HUNK: variants seen among roughly 807,000 people sequenced by gnomAD.
HUNK encodes hormonally up-regulated neu tumor-associated kinase.
In HUNK, 21 loss-of-function variants were observed where a neutral mutation model predicts 61.0. That is an observed-to-expected ratio of 0.34 (90% CI 0.24 to 0.50). The LOEUF is 0.50. Ranked by LOEUF, HUNK falls within the 20% of genes least tolerant of loss-of-function variation. HUNK has a pLI of 0.98. For missense variants in HUNK, 772 were observed against 945.7 expected, an observed-to-expected ratio of 0.82 and a Z score of 2.41; for synonymous variants, 371 against 386.1, an observed-to-expected ratio of 0.96 and a Z score of 0.46.
chr21:31,874,757 T>C (rs1043518156), intron 1 of HUNK, among the ~76,000 whole-genome samples: 2 of 152,050 alleles, frequency 1.3e-5, no homozygotes, highest in Admixed American at 6.5e-5. Context: ...AGATGCCTTC[T>C]TATCTTTCTA....
chr21:31,883,032 T>G (rs1489004684), intron 1 of HUNK, among the ~76,000 whole-genome samples: 2 of 152,022 alleles, frequency 1.3e-5, no homozygotes, highest in Non-Finnish European at 2.9e-5. Context: ...TTTTTTTTTT[T>G]GTTATTCTCA....
Position 31,924,043 on chromosome 21 carries a change from G to T in HUNK, c.262-425G>T, listed in dbSNP as rs551578193. Among the ~76,000 whole-genome samples the T allele has an allele frequency of 6.6e-6, 1 of 152,212 alleles. No homozygotes were observed. The highest frequency in any genetic ancestry group is 2.1e-4 in the South Asian group (1 of 4,804). ...TTTAGCTGTTTCTGAAGTGGCTGGG[G>T]GTCCTCAGACCTGGAGGGAGATGAT... On this transcript the variant is annotated intron_variant, in intron 1 of 10. Transcript: ENST00000270112. The surrounding 1 kb of genome is among the most constrained non-coding windows in gnomAD (Gnocchi z 5.1).
intron 1 of HUNK, among the ~76,000 whole-genome samples, chr21:31,890,699 C>G (rs73900588): frequency 6.6e-6 from 1 of 152,286 alleles, no homozygotes; most frequent in African/African-American, 2.4e-5. Flanking sequence ...ATCTCTGAGT[C>G]ATTCCTTAAC....
chr21:31,938,197 C>T (rs549177402), intron 2 of HUNK, among the ~76,000 whole-genome samples: 6 of 152,180 alleles, frequency 3.9e-5, no homozygotes, highest in African/African-American at 2.4e-5. Context: ...CTGCCCACCC[C>T]GCAACTGTTC....
At chr21:31,921,200 A>C (rs1003830947) in intron 1 of HUNK, among the ~76,000 whole-genome samples, 3 of 148,742 alleles carry the variant, frequency 2.0e-5, no homozygotes, top group African/African-American at 7.4e-5. Context: ...ACACTGCTCT[A>C]TAGAGGAGAT....
Position 31,924,815 on chromosome 21 carries a change from G to A in HUNK, c.554+55G>A. The stretch of plus-strand genomic sequence containing the variant: ...GACTGTGTGCTCCGTGGGTGGCACT[G>A]GGCTGTGGCACCCTCTGAGCCTCTG... On this transcript the variant is annotated intron_variant, in intron 2 of 10. Coordinates refer to ENST00000270112, the MANE Select transcript of HUNK (RefSeq NM_014586.2). This position sits in a 1 kb window ranked among gnomAD's most constrained non-coding sequence, Gnocchi z 5.1. 6.8e-7 allele frequency: 1 copy of A among 1,463,622 alleles called. No homozygotes were observed. The highest frequency in any genetic ancestry group is 2.1e-5 in the Admixed American group (1 of 47,716). The allele number at this position is 1,463,622 out of a possible 1,614,324, so 90.7% of individuals were successfully genotyped here.
chr21:31,921,319 C>T (rs2052621321), intron 1 of HUNK, among the ~76,000 whole-genome samples: 1 of 151,762 alleles, frequency 6.6e-6, no homozygotes, highest in Non-Finnish European at 1.5e-5. Context: ...GGGGAGTGGT[C>T]CCTGCATTAA....
chr21:31,974,761 A>G (rs769185515), intron 7 of HUNK, 44 bp downstream of exon 7: 14 of 1,531,396 alleles, frequency 9.1e-6, no homozygotes, highest in Admixed American at 4.2e-5. Context: ...GTCTGTGGAA[A>G]AAAGAGCTCC....
rs751623155 is a variant in HUNK at position 31,990,097 on chromosome 21, C to G, written c.1258-32C>G. The G allele has an allele frequency of 1.9e-6, 3 of 1,605,062 alleles. No homozygotes were observed. The African/African-American group carries it at 4.0e-5, about 21-fold the overall frequency. ...AGGGAATAAATAGCAGGTGCAGATT[C>G]TCGAATTGTTGAAGGATGTTCCTTT... On this transcript the variant is annotated intron_variant, in intron 8 of 10. Coordinates refer to ENST00000270112, the MANE Select transcript of HUNK (RefSeq NM_014586.2).
chr21:31,965,328 A>C (rs1018600029), intron 5 of HUNK, among the ~76,000 whole-genome samples: 6 of 114,168 alleles, frequency 5.3e-5, no homozygotes, highest in Admixed American at 1.9e-4. Context: ...AGAGAGGAGC[A>C]AAAAAAAAAA....
intron 1 of HUNK, among the ~76,000 whole-genome samples, chr21:31,897,031 G>A (rs1041591649): frequency 2.6e-5 from 4 of 152,184 alleles, no homozygotes; most frequent in African/African-American, 7.2e-5. Flanking sequence ...GATTGCTTGA[G>A]CTCAGGGGTT....
At chr21:31,948,947 G>C (rs1025732229) in intron 4 of HUNK, among the ~76,000 whole-genome samples, 2 of 152,222 alleles carry the variant, frequency 1.3e-5, no homozygotes. Context: ...GCTTGTCAGC[G>C]AGGAGGTGAA....
intron 1 of HUNK, among the ~76,000 whole-genome samples, chr21:31,908,325 A>T (rs2052521825): frequency 6.6e-6 from 1 of 152,096 alleles, no homozygotes; most frequent in Admixed American, 6.6e-5. Flanking sequence ...GATGACCGTA[A>T]CTGTCTTTAG....
At chr21:31,973,011 C>T (rs2053022511) in intron 6 of HUNK, among the ~76,000 whole-genome samples, 1 of 152,112 alleles carries the variant, frequency 6.6e-6, no homozygotes, top group South Asian at 2.1e-4. Context: ...GGGGCTACCT[C>T]TCTGGGCATT....
intron 6 of HUNK, among the ~76,000 whole-genome samples, chr21:31,970,512 G>A (rs556599035): frequency 6.6e-6 from 1 of 152,300 alleles, no homozygotes; most frequent in South Asian, 2.1e-4. Flanking sequence ...GAGGCAGGGA[G>A]CAAAGCTGAA....
At chr21:31,942,232 C>T (rs546256907) in intron 3 of HUNK, among the ~76,000 whole-genome samples, 6 of 152,294 alleles carry the variant, frequency 3.9e-5, no homozygotes, top group East Asian at 1.9e-4. Flanking sequence ...GCTGGTGAGT[C>T]GTGTAAGGTA....
chr21:31,910,222 G>A (rs769406983), intron 1 of HUNK, among the ~76,000 whole-genome samples: 5 of 152,114 alleles, frequency 3.3e-5, no homozygotes, highest in Non-Finnish European at 5.9e-5. Context: ...TCTGCAGGCT[G>A]GAAACCTGAG....
chr21:31,897,231 C>G (rs2052431247), intron 1 of HUNK, among the ~76,000 whole-genome samples: 1 of 150,738 alleles, frequency 6.6e-6, no homozygotes, highest in African/African-American at 2.4e-5. Flanking sequence ...GTTGACAGAG[C>G]AAGACCCTGT....
intron 2 of HUNK, among the ~76,000 whole-genome samples, chr21:31,932,853 C>A (rs1418664315): frequency 2.0e-5 from 3 of 151,768 alleles, no homozygotes; most frequent in Non-Finnish European, 4.4e-5. Context: ...CCCTGCACCC[C>A]TGCATCCTCA....
Sources: gnomAD v4.1 joint callset for allele counts (sites outside exome capture counted in the v4.1 genomes callset) on GRCh38, gnomAD v4.1.1 for gene constraint, Gnocchi (gnomAD v3.1) non-coding constraint, MANE v1.5 for transcripts, NCBI Gene and HGNC (gene_info 2026-07-23, HGNC 2026-07-21) for gene names.